The following MTA1 variants were observed in gnomAD, a reference collection of about 807,000 sequenced individuals.
The protein encoded by MTA1 is metastasis associated 1.
In MTA1, 15 loss-of-function variants were observed where a neutral mutation model predicts 97.0. The ratio of observed to expected loss-of-function variants is 0.15; its 90% CI spans 0.10 to 0.24. The LOEUF is 0.24. MTA1 is among the 10% of genes least tolerant of loss of function. The pLI is 1.00. For synonymous variants in MTA1, 435 were observed against 417.5 expected (o/e 1.04, Z -0.51); for missense variants, 709 against 1,015.1 (o/e 0.70, Z 4.10).
At chr14:105,444,354 G>A (rs187404381) in intron 2 of MTA1, among the ~76,000 whole-genome samples, 2 of 151,982 alleles carry the variant, frequency 1.3e-5, no homozygotes, top group Non-Finnish European at 1.5e-5. Context: ...CAGCCTGGGC[G>A]ACAGAGCAAG....
intron 1 of MTA1, among the ~76,000 whole-genome samples, chr14:105,437,919 G>T (rs587643238): frequency 1.6e-4 from 24 of 152,362 alleles, no homozygotes; most frequent in African/African-American, 4.6e-4. Context: ...GCTCCGGAAG[G>T]TTCCGTGGCT....
At chr14:105,441,730 C>G (rs587765987) in intron 2 of MTA1, among the ~76,000 whole-genome samples, 30 of 152,154 alleles carry the variant, frequency 2.0e-4, no homozygotes, top group African/African-American at 4.3e-4. Flanking sequence ...GGAGGTGGAG[C>G]TTGCAGTGAG....
intron 8 of MTA1, 106 bp downstream of exon 8, chr14:105,458,478 C>T (rs2083238018): frequency 3.9e-6 from 4 of 1,025,032 alleles, no homozygotes; most frequent in Admixed American, 4.1e-5. Flanking sequence ...ATCCCATATC[C>T]CAACAAGAAG....
chr14:105,422,728 C>T lies in MTA1; in HGVS notation c.28+2665C>T, dbSNP rs1385201466. ...GCTGGCAGGCTACTCCGAGGCCCTG[C>T]CAGGTTGGGCTAGGCAGGGTGAAGG... On this transcript the variant is annotated intron_variant, in intron 1 of 20. Coordinates refer to ENST00000331320, the MANE Select transcript of MTA1 (RefSeq NM_004689.4). This position sits in a 1 kb window ranked among gnomAD's most constrained non-coding sequence, Gnocchi z 4.3. Among the ~76,000 whole-genome samples the T allele has an allele frequency of 1.3e-5, 2 of 152,212 alleles. No homozygotes were observed. Among genetic ancestry groups the T allele is most frequent in the African/African-American group, 4.8e-5 (2 of 41,466 alleles).
intron 3 of MTA1, chr14:105,448,959 T>G: frequency 1.3e-4 from 21 of 167,194 alleles, no homozygotes; most frequent in East Asian, 5.1e-4. Context: ...CACGCCCCCA[T>G]TTTGGGTGTT....
chr14:105,467,594 C>A, intron 18 of MTA1: 1 of 410,862 alleles, frequency 2.4e-6, no homozygotes, highest in Non-Finnish European at 5.0e-6. Flanking sequence ...TCTGGACACG[C>A]ACCCCTGGCC....
chr14:105,449,277 C>A, intron 3 of MTA1, 82 bp from the exon 4 acceptor site: 1 of 1,436,344 alleles, frequency 7.0e-7, no homozygotes, highest in Non-Finnish European at 9.4e-7. Flanking sequence ...GGCGGCACAG[C>A]CCTCGGTCCG....
chr14:105,419,951 C>G lies in MTA1; in HGVS notation c.-85C>G, dbSNP rs1315678280. ...TTTAAACGCCTGCGGCGCCCCCCGC[C>G]CCCGCCATCGCGCCTCCATTTTCCC... On this transcript the variant is annotated 5_prime_UTR_variant, in exon 1 of 21. Transcript: ENST00000331320. The G allele has an allele frequency of 6.4e-5, 34 of 535,026 alleles. No homozygotes were observed. The highest frequency in any genetic ancestry group is 8.1e-5 in the Non-Finnish European group (34 of 418,736). 33.1% of individuals were successfully genotyped at this position (535,026 alleles called of 1,614,324 possible). A position where few individuals can be genotyped will look rare whatever the true frequency, so the allele number is the denominator to read the frequency against.
At chr14:105,458,931 C>T (rs1264394963) in intron 8 of MTA1, among the ~76,000 whole-genome samples, 1 of 152,190 alleles carries the variant, frequency 6.6e-6, no homozygotes, top group Admixed American at 6.5e-5. Context: ...GAGGAGTCCT[C>T]GCCACCTGCG....
At chr14:105,451,792 T>G (rs1325213464) in intron 6 of MTA1, among the ~76,000 whole-genome samples, 27 of 142,174 alleles carry the variant, frequency 1.9e-4, no homozygotes, top group South Asian at 1.4e-3. Flanking sequence ...TGTTTTTTTT[T>G]TTTTTTTTTT....
intron 18 of MTA1, chr14:105,467,999 G>C (rs1181975251): frequency 3.4e-6 from 1 of 298,362 alleles, no homozygotes; most frequent in Non-Finnish European, 6.7e-6. Flanking sequence ...GCCTGGCTGG[G>C]CGGGGCCCTG....
intron 7 of MTA1, 117 bp from the exon 8 acceptor site, chr14:105,458,153 G>A: frequency 1.3e-6 from 1 of 777,834 alleles, no homozygotes; most frequent in Non-Finnish European, 2.1e-6. Context: ...CTCACCTATG[G>A]GGCCCTGCAG....
chr14:105,430,049 G>T (rs587617113), intron 1 of MTA1, among the ~76,000 whole-genome samples: 1 of 152,098 alleles, frequency 6.6e-6, no homozygotes, highest in Non-Finnish European at 1.5e-5. Context: ...GAGCCACTGC[G>T]CCCGACCCAC....
At chr14:105,425,708 G>A (rs371940915) in intron 1 of MTA1, among the ~76,000 whole-genome samples, 1,614 of 126,678 alleles carry the variant, frequency 0.013, 13 homozygotes, top group Non-Finnish European at 0.016. Context: ...TTCCTGTCCC[G>A]GTGGGCTCAT....
Position 105,463,728 on chromosome 14 carries a change from A to G in MTA1, c.1076+177A>G. 1.5e-6 allele frequency: 1 copy of G among 648,216 alleles called. No homozygotes were observed. The allele number at this position is 648,216 out of a possible 1,614,324, so 40.2% of individuals were successfully genotyped here. On this transcript the variant is annotated intron_variant, in intron 12 of 20. Transcript: ENST00000331320. The surrounding 1 kb of genome is among the most constrained non-coding windows in gnomAD (Gnocchi z 5.9). ...GGTTCTGGCTGCAGACGCAGTGGCC[A>G]TGTCTCTGTCGTCCTGGCCTCCTGG...
chr14:105,463,132 G>A lies in MTA1; in HGVS notation c.943-52G>A. The A allele has an allele frequency of 6.4e-7, 1 of 1,565,058 alleles. No homozygotes were observed. ...GCAGCCCTGCCCCTGCCTGCATGGTGTGCCTGCCTCCTGCCCCTTCCTGCT... is the reference window on the plus strand; with the variant it reads ...GCAGCCCTGCCCCTGCCTGCATGGTATGCCTGCCTCCTGCCCCTTCCTGCT... On this transcript the variant is annotated intron_variant, in intron 10 of 20. Transcript: ENST00000331320. This position sits in a 1 kb window ranked among gnomAD's most constrained non-coding sequence, Gnocchi z 5.9.
rs1420409466 is a variant in MTA1 at position 105,420,088 on chromosome 14, C to T, written c.28+25C>T. On this transcript the variant is annotated intron_variant, in intron 1 of 20. Coordinates refer to ENST00000331320, the MANE Select transcript of MTA1 (RefSeq NM_004689.4). This position sits in a 1 kb window ranked among gnomAD's most constrained non-coding sequence, Gnocchi z 5.3. Reference sequence around the variant, plus strand: ...GGTAAGGCCGCACCGCCTTTATGCCCGGCCCCGACCCGCCCGCAGCCCCCA... The same window carrying T: ...GGTAAGGCCGCACCGCCTTTATGCCTGGCCCCGACCCGCCCGCAGCCCCCA... 44 of 1,044,134 alleles carry T rather than the reference C, an allele frequency of 4.2e-5. No homozygotes were observed. In the African/African-American group the frequency reaches 7.2e-4, roughly 17 times the overall value. The allele number at this position is 1,044,134 out of a possible 1,614,324, so 64.7% of individuals were successfully genotyped here.
At chr14:105,435,409 C>T (rs1412254437) in intron 1 of MTA1, among the ~76,000 whole-genome samples, 1 of 152,138 alleles carries the variant, frequency 6.6e-6, no homozygotes, top group African/African-American at 2.4e-5. Flanking sequence ...CCTTAGCCCC[C>T]AAGCAGCTGG....
At chr14:105,458,715 G>A (rs587596783) in intron 8 of MTA1, among the ~76,000 whole-genome samples, 8 of 152,322 alleles carry the variant, frequency 5.3e-5, no homozygotes, top group Non-Finnish European at 8.8e-5. Flanking sequence ...CAGAGCAGCT[G>A]CAGCCCGGGC....
Sources: allele counts gnomAD v4.1 joint callset (sites outside exome capture counted in the v4.1 genomes callset), GRCh38; gene constraint gnomAD v4.1.1; non-coding constraint Gnocchi (gnomAD v3.1); transcripts MANE v1.5; gene names NCBI Gene and HGNC (gene_info 2026-07-23, HGNC 2026-07-21).